ABI3BP: variants seen among roughly 807,000 people sequenced by gnomAD.
ABI3BP encodes ABI family member 3 binding protein.
A neutral mutation model predicts 268.6 loss-of-function variants in ABI3BP; 216 were observed. The ratio of observed to expected loss-of-function variants is 0.80; its 90% confidence interval spans 0.72 to 0.90. The LOEUF is 0.90. Among genes scored for constraint, ABI3BP ranks in the 40% least tolerant of loss-of-function variants. ABI3BP has a pLI of 0.00. For missense variants in ABI3BP, 2,090 were observed against 2,182.4 expected (o/e 0.96, Z 0.84); for synonymous variants, 730 against 730.0 (o/e 1.00, Z 0.00).
At chr3:100,808,638 A>G (rs1233390957) in intron 49 of ABI3BP, among the ~76,000 whole-genome samples, 3 of 152,114 alleles carry the variant, frequency 2.0e-5, no homozygotes, top group African/African-American at 7.2e-5. Flanking sequence ...TTAACATGTT[A>G]TAGCCCAAAT....
chr3:100,886,012 T>C (rs1410000277), intron 5 of ABI3BP, 130 bp downstream of exon 5: 2 of 641,542 alleles, frequency 3.1e-6, no homozygotes, highest in Non-Finnish European at 4.8e-6. Flanking sequence ...TTTGCTTCTA[T>C]ATTTTCATAA....
chr3:100,916,712 C>A (rs942515918), intron 2 of ABI3BP, among the ~76,000 whole-genome samples: 7 of 152,184 alleles, frequency 4.6e-5, no homozygotes, highest in African/African-American at 1.7e-4. Flanking sequence ...CATCTATGTG[C>A]CCAGCCTGGA....
Position 100,986,344 on chromosome 3 carries a change from T to A in ABI3BP, c.79+6962A>T, listed in dbSNP as rs2091749864. On this transcript the variant is annotated intron_variant, in intron 1 of 67. Transcript: ENST00000471714. ...ACCTTCACTGTTGCCTTGTGAGACA[T>A]CTTGAAGGAGAGGAGAGTCTGCCCA... is the stretch of plus-strand genomic sequence containing the variant. Among the ~76,000 whole-genome samples the A allele has an allele frequency of 2.0e-5, 3 of 152,220 alleles. 1 individual carries two copies. In the South Asian group the frequency reaches 6.2e-4, roughly 31 times the overall value.
intron 14 of ABI3BP, among the ~76,000 whole-genome samples, chr3:100,856,276 T>C (rs1481510462): frequency 2.0e-5 from 3 of 152,206 alleles, no homozygotes; most frequent in Non-Finnish European, 4.4e-5. Context: ...TACTGATGAC[T>C]GCAGCTTTCA....
chr3:100,991,490 A>G (rs969640791), intron 1 of ABI3BP, among the ~76,000 whole-genome samples: 4 of 151,912 alleles, frequency 2.6e-5, no homozygotes, highest in Non-Finnish European at 5.9e-5. Flanking sequence ...CCCCTTAAAG[A>G]CTCCACAAGT....
In ABI3BP at chr3:100,993,187, ATC is replaced by A. The variant is rs1576639108; in HGVS notation, c.79+117_79+118del. The A allele has an allele frequency of 5.8e-6, 4 of 684,716 alleles. No homozygotes were observed. In the East Asian group the frequency reaches 1.2e-4, roughly 20 times the overall value. 42.4% of individuals were successfully genotyped at this position (684,716 alleles called of 1,614,324 possible). Reference sequence around the variant, plus strand: ...ACCCCTTCACACATTTGAACTTTGAATCTCTGCAGAATAACTCTATTCCCCCC... The same window carrying A: ...ACCCCTTCACACATTTGAACTTTGAATCTGCAGAATAACTCTATTCCCCCC... On this transcript the variant is annotated intron_variant, in intron 1 of 67. Coordinates refer to ENST00000471714, the MANE Select transcript of ABI3BP (RefSeq NM_001375547.2).
At chr3:100,928,451 A>T (rs2062565106) in intron 1 of ABI3BP, among the ~76,000 whole-genome samples, 1 of 152,104 alleles carries the variant, frequency 6.6e-6, no homozygotes, top group Admixed American at 6.6e-5. Context: ...GCACAGCCTC[A>T]ATAGAACCAC....
chr3:100,864,803 T>C (rs2099033999), intron 11 of ABI3BP, 30 bp downstream of exon 11: 2 of 1,524,958 alleles, frequency 1.3e-6, no homozygotes, highest in African/African-American at 1.4e-5. Flanking sequence ...CTTTTGTTTT[T>C]TTAGAAAAAA....
rs537810408 is a variant in ABI3BP, at chr3:100,880,127, G to C, written c.697-3567C>G. 1.6e-3 allele frequency among the ~76,000 whole-genome samples: 242 copies of C among 152,242 alleles called. 2 individuals are homozygous for C. Among genetic ancestry groups the C allele is most frequent in the African/African-American group, 5.6e-3 (234 of 41,540 alleles). On this transcript the variant is annotated intron_variant, in intron 6 of 67. Transcript: ENST00000471714. ...ACCTTTCCTTACTTTTTCTAGGCTT[G>C]TTATTACGAACAGCTATTAATGTAC...
At position 100,850,030 on chromosome 3, in the gene ABI3BP, A is replaced by T; in HGVS notation, c.1501+15T>A. 1 of 1,605,196 alleles carries T rather than the reference A, an allele frequency of 6.2e-7. No homozygotes were observed. The highest frequency in any genetic ancestry group is 8.5e-7 in the Non-Finnish European group (1 of 1,174,294). ...TCGTCAATGCATACATAACTACATA[A>T]ATGTCATTAGTTACCAGGTGTCGTA... On this transcript the variant is annotated intron_variant, in intron 17 of 67. Transcript: ENST00000471714.
In ABI3BP at chr3:100,934,878, C is replaced by T. The variant is rs2065348396; in HGVS notation, c.80-8397G>A. On this transcript the variant is annotated intron_variant, in intron 1 of 67. Coordinates refer to ENST00000471714, the MANE Select transcript of ABI3BP (RefSeq NM_001375547.2). ...GTTCTTTGTAGATTCTGGATATTAA[C>T]CCTTTGTCAGATGGGTAGATTGCAA... 3.3e-5 allele frequency among the ~76,000 whole-genome samples: 5 copies of T among 152,204 alleles called. No homozygotes were observed. In the East Asian group the frequency reaches 7.7e-4, roughly 24 times the overall value.
At chr3:100,970,224 C>G (rs780796995) in intron 1 of ABI3BP, among the ~76,000 whole-genome samples, 1 of 152,188 alleles carries the variant, frequency 6.6e-6, no homozygotes, top group Non-Finnish European at 1.5e-5. Context: ...GTTGAATGAA[C>G]GACTGGCTTT....
intron 1 of ABI3BP, among the ~76,000 whole-genome samples, chr3:100,985,695 G>GTCCA (rs1484712698): frequency 6.6e-6 from 1 of 152,090 alleles, no homozygotes; most frequent in Non-Finnish European, 1.5e-5. Flanking sequence ...AGAAAACAAG[G>GTCCA]TCCATATTGG....
chr3:100,799,598 C>G (rs964554286), intron 51 of ABI3BP, among the ~76,000 whole-genome samples: 1 of 152,182 alleles, frequency 6.6e-6, no homozygotes, highest in African/African-American at 2.4e-5. Context: ...CTCATTGCCA[C>G]TGCAATGCCA....
Position 100,905,828 on chromosome 3 carries a change from C to G in ABI3BP, c.260-3142G>C, listed in dbSNP as rs373871275. Among the ~76,000 whole-genome samples the G allele has an allele frequency of 1.4e-4, 21 of 151,978 alleles. No individual in the cohort carries two copies. In the South Asian group the frequency reaches 2.1e-3, roughly 15 times the overall value. ...TCATGCTAATAATTTTAAATTTTTT[C>G]TTTACTAAGACATCAAATAGTAAAT... is the stretch of plus-strand genomic sequence containing the variant. On this transcript the variant is annotated intron_variant, in intron 2 of 67. Transcript: ENST00000471714.
At chr3:100,835,724 A>G in intron 27 of ABI3BP, 64 bp from the exon 28 acceptor site, 1 of 1,263,684 alleles carries the variant, frequency 7.9e-7, no homozygotes, top group Non-Finnish European at 1.1e-6. Flanking sequence ...AGTTATTTTG[A>G]AAATGAATCT....
rs567831728 is a variant in ABI3BP at position 100,955,728 on chromosome 3, G to A, written c.80-29247C>T. Among the ~76,000 whole-genome samples the A allele has an allele frequency of 1.6e-4, 25 of 152,190 alleles. No homozygotes were observed. In the South Asian group the frequency reaches 5.2e-3, roughly 32 times the overall value. On this transcript the variant is annotated intron_variant, in intron 1 of 67. Coordinates refer to ENST00000471714, the MANE Select transcript of ABI3BP (RefSeq NM_001375547.2). ...CTCTTAAAATCATTATAAAAATCCA[G>A]TCACTCATTTATTTAACAAATATTT...
At position 100,866,867 on chromosome 3, in the gene ABI3BP, C is replaced by T. The variant is rs1187428861; in HGVS notation, c.988+12G>A. On this transcript the variant is annotated intron_variant, in intron 10 of 67. Coordinates refer to ENST00000471714, the MANE Select transcript of ABI3BP (RefSeq NM_001375547.2). ...TCTTTTCTCAAGGTCAACAACATAG[C>T]GATCTCATTACCTGTTGTGGGTCGT... The T allele has an allele frequency of 3.1e-6, 5 of 1,610,080 alleles. No individual in the cohort carries two copies. Among genetic ancestry groups the T allele is most frequent in the Non-Finnish European group, 4.2e-6 (5 of 1,177,260 alleles).
At chr3:100,980,523 A>G (rs1320894045) in intron 1 of ABI3BP, among the ~76,000 whole-genome samples, 1 of 152,220 alleles carries the variant, frequency 6.6e-6, no homozygotes, top group East Asian at 1.9e-4. Flanking sequence ...CAGAACATAT[A>G]AAGTTACCAT....
Sources: allele counts gnomAD v4.1 joint callset (sites outside exome capture counted in the v4.1 genomes callset), GRCh38; gene constraint gnomAD v4.1.1; transcripts MANE v1.5; gene names NCBI Gene and HGNC (gene_info 2026-07-23, HGNC 2026-07-21).